The following TCF7L2 variants were observed in gnomAD, a reference collection of about 807,000 sequenced individuals.
TCF7L2 encodes the protein transcription factor 7 like 2.
TCF7L2 carries 23 observed loss-of-function variants against 77.9 expected under a neutral mutation model. The ratio of observed to expected loss-of-function variants is 0.30; its 90% CI spans 0.21 to 0.42. The LOEUF (loss-of-function observed/expected upper bound fraction) is 0.42. TCF7L2 is among the 10% of genes least tolerant of loss of function. The pLI, the probability that TCF7L2 is intolerant of heterozygous loss-of-function variation, is 1.00. For missense variants in TCF7L2, 654 were observed against 793.1 expected (o/e 0.82, Z 2.11); for synonymous variants, 413 against 340.2 (o/e 1.21, Z -2.36).
intron 5 of TCF7L2, chr10:113,125,895 T>C (rs1036916753): frequency 5.3e-5 from 8 of 152,230 alleles, no homozygotes; most frequent in Non-Finnish European, 1.0e-4. Flanking sequence ...TGCAGTTTCT[T>C]TGAGTGAAAT....
chr10:113,042,270 C>T (rs762540725), intron 5 of TCF7L2, among the ~76,000 whole-genome samples: 3 of 152,186 alleles, frequency 2.0e-5, no homozygotes, highest in African/African-American at 7.2e-5. Context: ...TCTTAGCAGG[C>T]GTGTTGACCA....
At chr10:113,087,771 T>C (rs2059978959) in intron 5 of TCF7L2, among the ~76,000 whole-genome samples, 1 of 152,160 alleles carries the variant, frequency 6.6e-6, no homozygotes, top group Non-Finnish European at 1.5e-5. Flanking sequence ...CTGGAGTAGC[T>C]CCAGTTATGG....
intron 5 of TCF7L2, among the ~76,000 whole-genome samples, chr10:113,077,870 T>TGC (rs2058881910): frequency 3.2e-5 from 3 of 94,266 alleles, no homozygotes; most frequent in African/African-American, 1.2e-4. Context: ...TATTTATTTA[T>TGC]TTATTTATTT....
intron 5 of TCF7L2, among the ~76,000 whole-genome samples, chr10:113,120,560 T>C (rs985019316): frequency 7.9e-5 from 12 of 152,094 alleles, no homozygotes; most frequent in Admixed American, 5.2e-4. Context: ...TTTGGAGTGG[T>C]TGGTAATCAG....
At chr10:113,037,701 T>G (rs1234334751) in intron 4 of TCF7L2, among the ~76,000 whole-genome samples, 1 of 152,208 alleles carries the variant, frequency 6.6e-6, no homozygotes, top group Non-Finnish European at 1.5e-5. Context: ...AGCCCGAGTT[T>G]CCTAATTCTA....
chr10:113,104,225 C>T (rs2061995134), intron 5 of TCF7L2, among the ~76,000 whole-genome samples: 2 of 152,158 alleles, frequency 1.3e-5, no homozygotes, highest in South Asian at 2.1e-4. Context: ...AGGAACATCA[C>T]GCTGGAGGGG....
At chr10:113,089,598 C>T in intron 5 of TCF7L2, 1 of 1,587,378 alleles carries the variant, frequency 6.3e-7, no homozygotes, top group Non-Finnish European at 8.6e-7. Flanking sequence ...TGAAGCCGCC[C>T]ACCCAAAGTT....
At chr10:113,073,468 C>T (rs142464598) in intron 5 of TCF7L2, among the ~76,000 whole-genome samples, 4 of 119,368 alleles carry the variant, frequency 3.4e-5, no homozygotes, top group Non-Finnish European at 6.4e-5. Flanking sequence ...AAGTTTCAGA[C>T]TAGGCTGGGC....
chr10:113,143,416 A>G (rs1386967523), intron 6 of TCF7L2, among the ~76,000 whole-genome samples: 1 of 152,268 alleles, frequency 6.6e-6, no homozygotes, highest in African/African-American at 2.4e-5. Context: ...AGGCAGAGAC[A>G]TTTTAGAGGA....
chr10:113,094,442 A>G (rs979113262), intron 5 of TCF7L2, among the ~76,000 whole-genome samples: 15 of 152,328 alleles, frequency 9.8e-5, no homozygotes, highest in South Asian at 2.1e-4. Context: ...TTACACAATG[A>G]AGTGCACTAG....
intron 7 of TCF7L2, 131 bp from the exon 8 acceptor site, chr10:113,145,880 C>A: frequency 1.4e-6 from 1 of 730,108 alleles, no homozygotes; most frequent in East Asian, 2.5e-5. Context: ...CTGTACAATC[C>A]CCAAGATTTT....
chr10:113,082,619 G>GCA (rs2059425392), intron 5 of TCF7L2, among the ~76,000 whole-genome samples: 1 of 151,822 alleles, frequency 6.6e-6, no homozygotes, highest in South Asian at 2.1e-4. Context: ...GTGTGTGTGT[G>GCA]CACGTGCACA....
chr10:113,068,561 A>G (rs939778552), intron 5 of TCF7L2, among the ~76,000 whole-genome samples: 2 of 152,124 alleles, frequency 1.3e-5, no homozygotes, highest in African/African-American at 4.8e-5. Flanking sequence ...ACCAGAATTC[A>G]CAGCACCAGA....
At chr10:113,129,503 A>G in intron 5 of TCF7L2, 1 of 1,008,884 alleles carries the variant, frequency 9.9e-7, no homozygotes, top group Non-Finnish European at 1.2e-6. Flanking sequence ...AATTTTTTTT[A>G]AAAAATTAAA....
At chr10:113,109,545 C>A (rs1036125650) in intron 5 of TCF7L2, among the ~76,000 whole-genome samples, 1 of 152,092 alleles carries the variant, frequency 6.6e-6, no homozygotes, top group Non-Finnish European at 1.5e-5. Context: ...CTCCTGCCAC[C>A]ACGCCCAGCT....
chr10:112,970,337 G>A (rs902872817), intron 4 of TCF7L2, among the ~76,000 whole-genome samples: 2 of 151,622 alleles, frequency 1.3e-5, no homozygotes, highest in African/African-American at 4.8e-5. Flanking sequence ...TCCCATCTGA[G>A]CTTTACCAAA....
chr10:112,983,764 C>T (rs963375673), intron 4 of TCF7L2, among the ~76,000 whole-genome samples: 1 of 152,166 alleles, frequency 6.6e-6, no homozygotes, highest in African/African-American at 2.4e-5. Flanking sequence ...GTGCCTGTGT[C>T]GTATGGGAGA....
rs2070709137 is a variant in TCF7L2, at chr10:113,151,311, G to T, written c.1001+188G>T. Among the ~76,000 whole-genome samples the T allele has an allele frequency of 6.6e-6, 1 of 152,090 alleles. No individual in the cohort carries two copies. The highest frequency in any genetic ancestry group is 1.5e-5 in the Non-Finnish European group (1 of 68,028). ...GAGTGCACAGTGGCAGAATCTCACT[G>T]TACCACCGTGGGTTAGAACAGAACT... On this transcript the variant is annotated intron_variant, in intron 9 of 13. Transcript: ENST00000627217. This position sits in a 1 kb window ranked among gnomAD's most constrained non-coding sequence, Gnocchi z 5.2.
chr10:112,994,500 T>C (rs1435729442), intron 4 of TCF7L2, among the ~76,000 whole-genome samples: 1 of 152,224 alleles, frequency 6.6e-6, no homozygotes, highest in Non-Finnish European at 1.5e-5. Context: ...GTAACACTAC[T>C]ATGAACATTT....
Sources: gnomAD v4.1 joint callset for allele counts (sites outside exome capture counted in the v4.1 genomes callset) on GRCh38, gnomAD v4.1.1 for gene constraint, Gnocchi (gnomAD v3.1) non-coding constraint, MANE v1.5 for transcripts, NCBI Gene and HGNC (gene_info 2026-07-23, HGNC 2026-07-21) for gene names.